The following GRID2 variants were observed in gnomAD, a reference collection of about 807,000 sequenced individuals.
GRID2 encodes glutamate ionotropic receptor delta type subunit 2.
In GRID2, 33 loss-of-function variants were observed where a neutral mutation model predicts 114.8. The ratio of observed to expected loss-of-function variants is 0.29; its 90% confidence interval spans 0.22 to 0.38. The LOEUF (loss-of-function observed/expected upper bound fraction) is 0.38. Ranked by LOEUF, GRID2 falls within the 10% of genes least tolerant of loss-of-function variation. GRID2 has a pLI of 1.00. For missense variants in GRID2, 1,184 were observed against 1,257.7 expected, an observed-to-expected ratio of 0.94 and a Z score of 0.89; for synonymous variants, 505 against 449.9, an observed-to-expected ratio of 1.12 and a Z score of -1.55.
chr4:92,547,018 G>T (rs1363023751), intron 1 of GRID2, among the ~76,000 whole-genome samples: 2 of 152,154 alleles, frequency 1.3e-5, no homozygotes, highest in African/African-American at 4.8e-5. Flanking sequence ...GACAGAGCTA[G>T]AACCCAGATC....
intron 2 of GRID2, among the ~76,000 whole-genome samples, chr4:92,892,988 G>A (rs1746893931): frequency 6.6e-6 from 1 of 152,082 alleles, no homozygotes; most frequent in Non-Finnish European, 1.5e-5. Flanking sequence ...TGAAAGAAAT[G>A]CATTCTTTTT....
At chr4:93,165,801 C>T (rs1432975301) in intron 4 of GRID2, among the ~76,000 whole-genome samples, 1 of 151,996 alleles carries the variant, frequency 6.6e-6, no homozygotes, top group Non-Finnish European at 1.5e-5. Context: ...CTTCTTAAAG[C>T]TTGGAAGATT....
intron 2 of GRID2, among the ~76,000 whole-genome samples, chr4:92,987,553 C>A (rs929704582): frequency 3.3e-5 from 5 of 151,246 alleles, no homozygotes; most frequent in East Asian, 1.9e-4. Flanking sequence ...TGTAACAAAC[C>A]TGCACGTTGT....
Position 93,366,821 on chromosome 4 carries a change from A to G in GRID2, c.1246-28786A>G, listed in dbSNP as rs989429110. Among the ~76,000 whole-genome samples the G allele has an allele frequency of 7.2e-4, 109 of 152,212 alleles. 1 individual carries two copies. Among genetic ancestry groups the G allele is most frequent in the African/African-American group, 2.4e-3 (101 of 41,542 alleles). Reference sequence around the variant, plus strand: ...TTAAGGAAAATAGAAAAGAACCTACATGAATATCGGGGCAATTCCCCGATA... The same window carrying G: ...TTAAGGAAAATAGAAAAGAACCTACGTGAATATCGGGGCAATTCCCCGATA... On this transcript the variant is annotated intron_variant, in intron 8 of 15. Transcript: ENST00000282020.
chr4:92,805,769 C>G (rs1740380800), intron 2 of GRID2, among the ~76,000 whole-genome samples: 1 of 151,786 alleles, frequency 6.6e-6, no homozygotes, highest in African/African-American at 2.4e-5. Context: ...CACTCTCCAG[C>G]CTGAGTGATA....
intron 1 of GRID2, among the ~76,000 whole-genome samples, chr4:92,521,542 A>G (rs1724778951): frequency 6.6e-6 from 1 of 151,984 alleles, no homozygotes; most frequent in Non-Finnish European, 1.5e-5. Context: ...TGTTGCATAG[A>G]ATTCCTTTAT....
At chr4:93,014,680 T>C (rs1281496459) in intron 2 of GRID2, among the ~76,000 whole-genome samples, 4 of 152,170 alleles carry the variant, frequency 2.6e-5, no homozygotes, top group Non-Finnish European at 4.4e-5. Flanking sequence ...AAATGGCTTA[T>C]GGTCAAATGT....
intron 2 of GRID2, among the ~76,000 whole-genome samples, chr4:93,032,126 T>C (rs1437831493): frequency 6.6e-6 from 1 of 152,154 alleles, no homozygotes; most frequent in Admixed American, 6.6e-5. Flanking sequence ...TCACCATAGC[T>C]CACAAGTCTT....
intron 2 of GRID2, among the ~76,000 whole-genome samples, chr4:92,654,025 G>A (rs774082302): frequency 2.6e-5 from 4 of 152,118 alleles, no homozygotes; most frequent in African/African-American, 4.8e-5. Context: ...GAATTATCCA[G>A]AAAGTTTATA....
chr4:92,349,091 G>C (rs1727931280), intron 1 of GRID2, among the ~76,000 whole-genome samples: 1 of 151,914 alleles, frequency 6.6e-6, no homozygotes, highest in Admixed American at 6.6e-5. Context: ...TAGCTGGCTA[G>C]TAAGATTCTT....
intron 1 of GRID2, among the ~76,000 whole-genome samples, chr4:92,401,409 A>C (rs1229334735): frequency 6.6e-6 from 1 of 152,158 alleles, no homozygotes; most frequent in African/African-American, 2.4e-5. Context: ...TTTTAATGTA[A>C]TAATTTATTT....
chr4:92,403,270 T>C (rs943207455), intron 1 of GRID2, among the ~76,000 whole-genome samples: 7 of 152,176 alleles, frequency 4.6e-5, no homozygotes, highest in African/African-American at 1.7e-4. Context: ...ACTTGAGTAG[T>C]ACTTTTAATT....
chr4:93,747,996 C>G lies in GRID2; in HGVS notation c.2361-21214C>G, dbSNP rs1731996434. Among the ~76,000 whole-genome samples the G allele has an allele frequency of 1.3e-5, 2 of 151,990 alleles. 1 individual carries two copies. Among genetic ancestry groups the G allele is most frequent in the South Asian group, 4.1e-4 (2 of 4,822 alleles). On this transcript the variant is annotated intron_variant, in intron 14 of 15. Transcript: ENST00000282020. The stretch of plus-strand genomic sequence containing the variant: ...GAAGACTATTTGGTTATATTGGTTT[C>G]TAGATTAATAAATGCCCTTGGATAT...
intron 2 of GRID2, among the ~76,000 whole-genome samples, chr4:92,875,259 T>A (rs1158114439): frequency 1.4e-5 from 2 of 144,952 alleles, no homozygotes; most frequent in Non-Finnish European, 3.0e-5. Flanking sequence ...GCCTCCCGGG[T>A]ACACGCGATT....
chr4:93,408,615 G>A (rs1766779852), intron 9 of GRID2, among the ~76,000 whole-genome samples: 1 of 152,010 alleles, frequency 6.6e-6, no homozygotes, highest in South Asian at 2.1e-4. Context: ...CAGTCCTTTT[G>A]ATAAGAGCTG....
chr4:93,313,571 C>T (rs1010012821), intron 8 of GRID2, among the ~76,000 whole-genome samples: 1 of 152,174 alleles, frequency 6.6e-6, no homozygotes, highest in African/African-American at 2.4e-5. Context: ...GGAAAGGAAT[C>T]AGAGACTTCC....
At chr4:92,662,388 A>G (rs1306336645) in intron 2 of GRID2, among the ~76,000 whole-genome samples, 2 of 151,072 alleles carry the variant, frequency 1.3e-5, no homozygotes, top group South Asian at 2.1e-4. Flanking sequence ...ATACTGAGCT[A>G]TGTTATCTTG....
rs191104670 is a variant in GRID2 at position 93,525,531 on chromosome 4, T to C, written c.2193+10120T>C. ...ATGTAAAAAGAATAGCAGGAGTATT[T>C]GAAATCAGTTTCTCGATTGTGAAGA... On this transcript the variant is annotated intron_variant, in intron 13 of 15. Coordinates refer to ENST00000282020, the MANE Select transcript of GRID2 (RefSeq NM_001510.4). Among the ~76,000 whole-genome samples the C allele has an allele frequency of 5.2e-3, 790 of 152,342 alleles. 11 individuals are homozygous for C. Among genetic ancestry groups the C allele is most frequent in the African/African-American group, 0.018 (764 of 41,582 alleles).
chr4:92,851,662 C>G lies in GRID2; in HGVS notation c.245-233333C>G, dbSNP rs1300802015. Reference sequence around the variant, plus strand: ...GTTAAAGAAAAGTTGTGATGCATAGCACTTAAAACACTTGTTCAACTTTGT... The same window carrying G: ...GTTAAAGAAAAGTTGTGATGCATAGGACTTAAAACACTTGTTCAACTTTGT... On this transcript the variant is annotated intron_variant, in intron 2 of 15. Coordinates refer to ENST00000282020, the MANE Select transcript of GRID2 (RefSeq NM_001510.4). Among the ~76,000 whole-genome samples the G allele has an allele frequency of 2.0e-5, 3 of 151,866 alleles. No homozygotes were observed. The East Asian group carries it at 5.8e-4, about 29-fold the overall frequency.
Sources: allele counts gnomAD v4.1 joint callset (sites outside exome capture counted in the v4.1 genomes callset), GRCh38; gene constraint gnomAD v4.1.1; transcripts MANE v1.5; gene names NCBI Gene and HGNC (gene_info 2026-07-23, HGNC 2026-07-21).